Variants in CDH13 observed in about 807,000 individuals in gnomAD.
The protein encoded by CDH13 is cadherin 13, also known as cadherin-13.
A neutral mutation model predicts 63.8 loss-of-function variants in CDH13; 24 were observed. The ratio of observed to expected loss-of-function variants is 0.38; its 90% CI spans 0.27 to 0.53. The LOEUF (loss-of-function observed/expected upper bound fraction) is 0.53, where lower values mean the gene tolerates loss of function less well. Ranked by LOEUF, CDH13 falls within the 20% of genes least tolerant of loss-of-function variation. The pLI, the probability that CDH13 is intolerant of heterozygous loss-of-function variation, is 0.85. For missense variants in CDH13, 1,049 were observed against 903.1 expected (o/e 1.16, Z -2.07); for synonymous variants, 503 against 355.3 (o/e 1.42, Z -4.67).
chr16:83,002,994 A>G (rs1567734093), intron 2 of CDH13, among the ~76,000 whole-genome samples: 1 of 152,232 alleles, frequency 6.6e-6, no homozygotes, highest in Non-Finnish European at 1.5e-5. Flanking sequence ...GAGGTAGGTA[A>G]CAAAATTCCC....
intron 1 of CDH13, among the ~76,000 whole-genome samples, chr16:82,668,410 T>C (rs1046815631): frequency 1.3e-5 from 2 of 151,802 alleles, no homozygotes; most frequent in Non-Finnish European, 2.9e-5. Flanking sequence ...CCATGAGGGG[T>C]AAAATAAGTA....
intron 10 of CDH13, among the ~76,000 whole-genome samples, chr16:83,743,063 C>G (rs1402671906): frequency 6.6e-6 from 1 of 152,164 alleles, no homozygotes; most frequent in African/African-American, 2.4e-5. Context: ...AAAATTTAGC[C>G]AGGCATGGTG....
At chr16:83,237,823 C>A (rs1198727298) in intron 5 of CDH13, among the ~76,000 whole-genome samples, 2 of 152,144 alleles carry the variant, frequency 1.3e-5, no homozygotes, top group Non-Finnish European at 2.9e-5. Flanking sequence ...ATATGAAGTA[C>A]GTGGAACTGG....
At position 83,783,219 on chromosome 16, in the gene CDH13, ATCCACTCTCACCAGAACCCTCC is replaced by A. The variant is rs756427380; in HGVS notation, c.1916-33_1916-12del. 1.6e-3 allele frequency: 2,300 copies of A among 1,461,440 alleles called. 6 individuals are homozygous for A. Among genetic ancestry groups the A allele is most frequent in the Non-Finnish European group, 2.0e-3 (2,089 of 1,046,904 alleles). 90.5% of individuals were successfully genotyped at this position (1,461,440 alleles called of 1,614,324 possible). On this transcript the variant is annotated splice_polypyrimidine_tract_variant and intron_variant, in intron 12 of 13. Coordinates refer to ENST00000567109, the MANE Select transcript of CDH13 (RefSeq NM_001257.5). ...TCACTCTTTTATTGGAAAAAGTCTC[ATCCACTCTCACCAGAACCCTCC>A]TTGCCTTTACAGATACACACGCCCT...
intron 7 of CDH13, among the ~76,000 whole-genome samples, chr16:83,503,699 G>C (rs545776605): frequency 7.2e-5 from 11 of 152,272 alleles, no homozygotes; most frequent in Middle Eastern, 3.4e-3. Context: ...GTCTTGAGAA[G>C]TTTCTGTTCA....
intron 1 of CDH13, among the ~76,000 whole-genome samples, chr16:82,795,511 C>G (rs968385545): frequency 1.3e-5 from 2 of 152,160 alleles, no homozygotes; most frequent in Non-Finnish European, 2.9e-5. Flanking sequence ...GCCCTGGCCA[C>G]CTGTCCCACA....
chr16:83,675,382 C>A (rs1308727628), intron 9 of CDH13, among the ~76,000 whole-genome samples: 1 of 152,226 alleles, frequency 6.6e-6, no homozygotes, highest in African/African-American at 2.4e-5. Context: ...GCCAGCCTCA[C>A]ATTGTATGGC....
chr16:83,448,703 G>A (rs997463430), intron 6 of CDH13, among the ~76,000 whole-genome samples: 5 of 152,194 alleles, frequency 3.3e-5, no homozygotes, highest in African/African-American at 1.2e-4. Flanking sequence ...GAGAGTAAGA[G>A]GATGCATTCA....
intron 6 of CDH13, among the ~76,000 whole-genome samples, chr16:83,384,739 T>G (rs143396552): frequency 1.3e-5 from 2 of 152,312 alleles, no homozygotes; most frequent in African/African-American, 4.8e-5. Context: ...TGGATCAATG[T>G]GGACTAATGA....
At chr16:83,525,258 G>A (rs1445510995) in intron 7 of CDH13, among the ~76,000 whole-genome samples, 1 of 152,148 alleles carries the variant, frequency 6.6e-6, no homozygotes, top group Non-Finnish European at 1.5e-5. Context: ...TCAGTTTCCT[G>A]ATAACTGGCA....
chr16:82,663,689 C>T (rs978020488), intron 1 of CDH13, among the ~76,000 whole-genome samples: 1 of 152,138 alleles, frequency 6.6e-6, no homozygotes, highest in East Asian at 1.9e-4. Context: ...TATTAAGATC[C>T]GTATGCTTTT....
intron 1 of CDH13, among the ~76,000 whole-genome samples, chr16:82,841,585 A>C (rs1567589733): frequency 6.6e-6 from 1 of 152,176 alleles, no homozygotes; most frequent in Admixed American, 6.5e-5. Flanking sequence ...ATTTTCTCTT[A>C]CTATAAAACC....
At chr16:83,691,288 G>C (rs141367165) in intron 10 of CDH13, among the ~76,000 whole-genome samples, 9 of 152,254 alleles carry the variant, frequency 5.9e-5, no homozygotes, top group Non-Finnish European at 4.4e-5. Flanking sequence ...GTTTGAGGTA[G>C]ACAAAGGGAG....
chr16:83,086,646 T>C (rs1329877983), intron 3 of CDH13, among the ~76,000 whole-genome samples: 1 of 152,206 alleles, frequency 6.6e-6, no homozygotes, highest in Non-Finnish European at 1.5e-5. Flanking sequence ...AAACCATGCT[T>C]TGAAATTAAG....
intron 3 of CDH13, among the ~76,000 whole-genome samples, chr16:83,093,186 G>A (rs1006583920): frequency 1.4e-5 from 2 of 147,700 alleles, no homozygotes; most frequent in African/African-American, 5.0e-5. Flanking sequence ...TCCCTACTCA[G>A]TTTCTGTCTT....
chr16:83,068,842 C>T (rs140932549), intron 3 of CDH13, among the ~76,000 whole-genome samples: 12 of 152,138 alleles, frequency 7.9e-5, no homozygotes, highest in Non-Finnish European at 1.6e-4. Context: ...TTCCCTGCCC[C>T]CTTGTTGTTC....
chr16:82,893,513 A>G (rs2151226096), intron 2 of CDH13, among the ~76,000 whole-genome samples: 1 of 152,356 alleles, frequency 6.6e-6, no homozygotes, highest in East Asian at 1.9e-4. Context: ...TGTGGGTAAT[A>G]CTTGGAGAAA....
intron 7 of CDH13, among the ~76,000 whole-genome samples, chr16:83,488,703 C>T (rs1161447741): frequency 6.6e-6 from 1 of 152,130 alleles, no homozygotes. Context: ...CAGCTCACTG[C>T]AACCTCCACT....
At chr16:83,760,570 A>T (rs946392326) in intron 11 of CDH13, among the ~76,000 whole-genome samples, 7 of 152,250 alleles carry the variant, frequency 4.6e-5, no homozygotes, top group African/African-American at 1.7e-4. Context: ...AGTGTGCAGC[A>T]AAAGAAGGCT....
Sources: gnomAD v4.1 joint callset for allele counts (sites outside exome capture counted in the v4.1 genomes callset) on GRCh38, gnomAD v4.1.1 for gene constraint, MANE v1.5 for transcripts, NCBI Gene and HGNC (gene_info 2026-07-23, HGNC 2026-07-21) for gene names.